Variants in DMRTB1 observed in about 807,000 individuals in gnomAD.
DMRTB1 encodes the protein DMRT like family B with proline rich C-terminal 1.
In DMRTB1, 9 loss-of-function variants were observed where a neutral mutation model predicts 25.2. The ratio of observed to expected loss-of-function variants is 0.36; its 90% CI spans 0.22 to 0.62. The LOEUF (loss-of-function observed/expected upper bound fraction) is 0.62, where lower values mean the gene tolerates loss of function less well. Ranked by LOEUF, DMRTB1 falls within the 20% of genes least tolerant of loss-of-function variation. The probability of loss-of-function intolerance (pLI) is 0.71; values close to 1 mark genes in which losing one functional copy is unlikely to be tolerated. For synonymous variants in DMRTB1, 269 were observed against 238.1 expected (o/e 1.13, Z -1.20); for missense variants, 551 against 499.3 (o/e 1.10, Z -0.99).
In DMRTB1 at chr1:53,459,840, C is replaced by T. The variant is rs763281231; in HGVS notation, c.387C>T (p.Pro129=). 52 of 1,478,506 alleles carry T rather than the reference C, an allele frequency of 3.5e-5. No individual in the cohort carries two copies. The highest frequency in any genetic ancestry group is 1.3e-4 in the South Asian group (10 of 78,878). 91.6% of individuals were successfully genotyped at this position (1,478,506 alleles called of 1,614,324 possible). A position where few individuals can be genotyped will look rare whatever the true frequency, so the allele number is the denominator to read the frequency against. ...FFEQPPRGRN[P]GPRALQPVLG... ...AGCAGCCCCCGCGGGGCCGGAACCC[C>T]GGCCCGAGAGCCCTCCAGCCGGTTC... The change falls in exon 1 of 4, where the codon CCC becomes CCT. Residue 129 remains proline, a synonymous_variant. Coordinates refer to ENST00000371445, the MANE Select transcript of DMRTB1 (RefSeq NM_033067.3).
intron 2 of DMRTB1, among the ~76,000 whole-genome samples, chr1:53,462,786 C>A (rs1346693972): frequency 6.6e-6 from 1 of 152,222 alleles, no homozygotes. Flanking sequence ...TTTCCACTGC[C>A]CTTCCCTCCC....
At chr1:53,464,559 G>T in intron 2 of DMRTB1, 78 bp from the exon 3 acceptor site, 7 of 1,608,622 alleles carry the variant, frequency 4.4e-6, no homozygotes, top group Non-Finnish European at 5.9e-6. Flanking sequence ...CCCCACTTCA[G>T]GGGTGAGAGC....
Position 53,459,461 on chromosome 1 carries a change from A to G in DMRTB1, c.8A>G (p.Asp3Gly), listed in dbSNP as rs144574090. MA[D>G]KMVRTPKCSR... Reference sequence around the variant, plus strand: ...CGAAGGCTGACCCTGCCAATGGCCGACAAAATGGTGCGCACCCCCAAGTGC... The same window carrying G: ...CGAAGGCTGACCCTGCCAATGGCCGGCAAAATGGTGCGCACCCCCAAGTGC... The change falls in exon 1 of 4, where the codon GAC (aspartate) becomes GGC (glycine). Residue 3 changes from aspartate (D) to glycine (G), a missense_variant. Transcript: ENST00000371445. 204 of 1,613,074 alleles carry G rather than the reference A, an allele frequency of 1.3e-4. No individual in the cohort carries two copies. The African/African-American group carries it at 2.5e-3, about 20-fold the overall frequency.
chr1:53,461,731 G>A (rs1644024189), intron 2 of DMRTB1, 86 bp downstream of exon 2: 3 of 1,457,814 alleles, frequency 2.1e-6, no homozygotes, highest in Non-Finnish European at 1.8e-6. Flanking sequence ...CAGGAAGCCA[G>A]CTGTCATAAA....
chr1:53,459,694 G>A lies in DMRTB1; in HGVS notation c.241G>A (p.Ala81Thr). 2.0e-6 allele frequency: 3 copies of A among 1,496,174 alleles called. No individual in the cohort carries two copies. Among genetic ancestry groups the A allele is most frequent in the Non-Finnish European group, 2.7e-6 (3 of 1,124,180 alleles). 92.7% of individuals were successfully genotyped at this position (1,496,174 alleles called of 1,614,324 possible). The change falls in exon 1 of 4, where the codon GCG becomes ACG. Residue 81 changes from alanine to threonine, a missense_variant. By Grantham distance (58) the Ala-to-Thr change is moderately conservative (BLOSUM62 0). Transcript: ENST00000371445. ...GGGGCCCAAGCAGGCCTCCGGGGCT[G>A]CGGCCGCCGCCCCCGCCCCCGTCCC... ...AQGPKQASGA[A>T]AAAPAPVPVP...
intron 1 of DMRTB1, chr1:53,460,291 A>C (rs182469545): frequency 2.4e-6 from 1 of 419,310 alleles, no homozygotes; most frequent in Non-Finnish European, 4.1e-6. Context: ...GCATGCAAGA[A>C]CAAAATGGCG....
intron 1 of DMRTB1, 151 bp from the exon 2 acceptor site, chr1:53,461,322 A>G: frequency 1.3e-6 from 1 of 762,020 alleles, no homozygotes. Flanking sequence ...TGGCTGGAGG[A>G]TGGAGATGCA....
rs1186026719 is a variant in DMRTB1 at position 53,459,917 on chromosome 1, C to T, written c.464C>T (p.Pro155Leu). ...AGCGAGCGAGCCGCCGTGGCGATGCCCAGCCTTGCGGGACCCCCTTTTGGG... is the reference window on the plus strand; with the variant it reads ...AGCGAGCGAGCCGCCGTGGCGATGCTCAGCCTTGCGGGACCCCCTTTTGGG... The part of the protein sequence containing the change: ...EPSERAAVAM[P>L]SLAGPPFGAE... Residue 155 changes from proline to leucine, a missense_variant, in exon 1 of 4, where the codon CCC becomes CTC. Coordinates refer to ENST00000371445, the MANE Select transcript of DMRTB1 (RefSeq NM_033067.3). 1.3e-6 allele frequency: 2 copies of T among 1,553,846 alleles called. No homozygotes were observed. Among genetic ancestry groups the T allele is most frequent in the Non-Finnish European group, 8.6e-7 (1 of 1,159,700 alleles).
rs1242436159 is a variant in DMRTB1, at chr1:53,461,684, C to T, written c.750+39C>T. Reference sequence around the variant, plus strand: ...CTCACTTCTTGCCAGCTTCCTCCACCCAGTCTGCCCCTGCTGCCTTGATGG... The same window carrying T: ...CTCACTTCTTGCCAGCTTCCTCCACTCAGTCTGCCCCTGCTGCCTTGATGG... On this transcript the variant is annotated intron_variant, in intron 2 of 3. Coordinates refer to ENST00000371445, the MANE Select transcript of DMRTB1 (RefSeq NM_033067.3). The T allele has an allele frequency of 2.6e-6, 4 of 1,510,030 alleles. No individual in the cohort carries two copies. In the African/African-American group the frequency reaches 5.5e-5, roughly 21 times the overall value. The allele number at this position is 1,510,030 out of a possible 1,614,324, so 93.5% of individuals were successfully genotyped here. A position where few individuals can be genotyped will look rare whatever the true frequency, so the allele number is the denominator to read the frequency against.
At position 53,459,921 on chromosome 1, in the gene DMRTB1, C is replaced by G. The variant is rs1381421231; in HGVS notation, c.468C>G (p.Ser156Arg). 1.3e-6 allele frequency: 2 copies of G among 1,556,764 alleles called. No homozygotes were observed. The highest frequency in any genetic ancestry group is 1.7e-6 in the Non-Finnish European group (2 of 1,161,010). The part of the protein sequence containing the change: ...PSERAAVAMP[S>R]LAGPPFGAEA... ...AGCGAGCCGCCGTGGCGATGCCCAG[C>G]CTTGCGGGACCCCCTTTTGGGGCGG... The change falls in exon 1 of 4, where the codon AGC (serine) becomes AGG (arginine). Residue 156 changes from serine to arginine, a missense_variant. Ser to Arg is a moderately radical substitution (Grantham distance 110). Coordinates refer to ENST00000371445, the MANE Select transcript of DMRTB1 (RefSeq NM_033067.3).
chr1:53,466,804 G>A lies in DMRTB1; in HGVS notation c.*142G>A, dbSNP rs977466876. ...ACTGATTCCCAGTTTAAGATAGGAG[G>A]AAGGAGAGCAATTTCTAAGTTTCAA... On this transcript the variant is annotated 3_prime_UTR_variant, in exon 4 of 4. Transcript: ENST00000371445. The A allele has an allele frequency of 7.4e-6, 6 of 816,040 alleles. No individual in the cohort carries two copies. The highest frequency in any genetic ancestry group is 1.2e-5 in the Non-Finnish European group (6 of 495,330). The allele number at this position is 816,040 out of a possible 1,614,324, so 50.5% of individuals were successfully genotyped here.
In DMRTB1 at chr1:53,459,566, A is replaced by C. The variant is rs763205721; in HGVS notation, c.113A>C (p.Glu38Ala). The change falls in exon 1 of 4, where the codon GAG becomes GCG. Residue 38 changes from glutamate (E) to alanine (A), a missense_variant. Transcript: ENST00000371445. ...GKCRWKQCLC[E>A]KCYLISERQK... ...TGCCGCTGGAAGCAGTGCCTCTGCG[A>C]GAAGTGCTACCTGATCTCCGAGCGC... The C allele has an allele frequency of 6.2e-7, 1 of 1,610,164 alleles. No homozygotes were observed. The highest frequency in any genetic ancestry group is 8.5e-7 in the Non-Finnish European group (1 of 1,178,586).
At chr1:53,466,322 C>G (rs1438199727) in intron 3 of DMRTB1, among the ~76,000 whole-genome samples, 1 of 152,032 alleles carries the variant, frequency 6.6e-6, no homozygotes, top group African/African-American at 2.4e-5. Flanking sequence ...GCAACCCTGT[C>G]TCTACTAAAA....
chr1:53,459,852 C>T lies in DMRTB1; in HGVS notation c.399C>T (p.Ala133=). The change falls in exon 1 of 4, where the codon GCC becomes GCT. Residue 133 remains alanine, a synonymous_variant. Transcript: ENST00000371445. ...PPRGRNPGPR[A]LQPVLGGRSH... ...GGGGCCGGAACCCCGGCCCGAGAGC[C>T]CTCCAGCCGGTTCTGGGCGGCCGCA... 2 of 1,492,244 alleles carry T rather than the reference C, an allele frequency of 1.3e-6. No individual in the cohort carries two copies. The highest frequency in any genetic ancestry group is 2.2e-5 in the Admixed American group (1 of 45,100). The allele number at this position is 1,492,244 out of a possible 1,614,324, so 92.4% of individuals were successfully genotyped here.
intron 1 of DMRTB1, 91 bp downstream of exon 1, chr1:53,460,121 A>G (rs1205200556): frequency 1.4e-6 from 2 of 1,412,322 alleles, no homozygotes; most frequent in South Asian, 1.5e-5. Context: ...TTCGGGGTGG[A>G]GAGAAGTTTT....
Position 53,464,908 on chromosome 1 carries a change from G to A in DMRTB1, c.961+61G>A, listed in dbSNP as rs1047964135. On this transcript the variant is annotated intron_variant, in intron 3 of 3. Coordinates refer to ENST00000371445, the MANE Select transcript of DMRTB1 (RefSeq NM_033067.3). Reference sequence around the variant, plus strand: ...CCAGGGAGACTTTCTGGAGGAAGAGGTACCTAATCTGAAGAAAGGTTAGGT... The same window carrying A: ...CCAGGGAGACTTTCTGGAGGAAGAGATACCTAATCTGAAGAAAGGTTAGGT... The A allele has an allele frequency of 2.5e-6, 4 of 1,603,702 alleles. No individual in the cohort carries two copies. In the African/African-American group the frequency reaches 4.0e-5, roughly 16 times the overall value.
intron 2 of DMRTB1, 151 bp from the exon 3 acceptor site, chr1:53,464,486 T>C (rs1329072135): frequency 8.3e-7 from 1 of 1,211,770 alleles, no homozygotes; most frequent in African/African-American, 1.5e-5. Context: ...GTTTGCTGAA[T>C]GCCCCCTTCC....
intron 1 of DMRTB1, chr1:53,460,250 T>C (rs1644011708): frequency 1.7e-6 from 1 of 605,868 alleles, no homozygotes; most frequent in South Asian, 2.4e-5. Flanking sequence ...CAGAGGGCTT[T>C]TAACATTTAG....
chr1:53,464,697 C>T lies in DMRTB1; in HGVS notation c.811C>T (p.Leu271=). Residue 271 remains leucine, a synonymous_variant, in exon 3 of 4, where the codon CTG becomes TTG. Transcript: ENST00000371445. ...CTACCTGCCGCCGCCGCCGCCGCCA[C>T]TGCCGCCCCTTCCACCGCTTCCACC... The part of the protein sequence containing the change: ...SYYLPPPPPP[L]PPLPPLPPQP... The T allele has an allele frequency of 1.2e-6, 2 of 1,613,706 alleles. No individual in the cohort carries two copies. Among genetic ancestry groups the T allele is most frequent in the African/African-American group, 2.7e-5 (2 of 75,028 alleles).
Sources: allele counts gnomAD v4.1 joint callset (sites outside exome capture counted in the v4.1 genomes callset), GRCh38; gene constraint gnomAD v4.1.1; transcripts MANE v1.5; gene names NCBI Gene and HGNC (gene_info 2026-07-23, HGNC 2026-07-21).